Variants in FAM120C observed in about 807,000 individuals in gnomAD.
The protein encoded by FAM120C is family with sequence similarity 120 member C.
FAM120C carries 14 observed loss-of-function variants against 71.2 expected under a neutral mutation model. The ratio of observed to expected loss-of-function variants is 0.20; its 90% CI spans 0.13 to 0.31. FAM120C has a LOEUF of 0.31. Among genes scored for constraint, FAM120C ranks in the 10% least tolerant of loss-of-function variants. The pLI is 1.00. For missense variants in FAM120C, 500 were observed against 879.0 expected, an observed-to-expected ratio of 0.57 and a Z score of 5.45; for synonymous variants, 354 against 353.2, an observed-to-expected ratio of 1.00 and a Z score of -0.03.
At chrX:54,131,435 ATT>A (rs782721502) in intron 9 of FAM120C, among the ~76,000 whole-genome samples, 53 of 95,918 alleles carry the variant, frequency 5.5e-4, no homozygotes, top group African/African-American at 1.9e-3. Flanking sequence ...TGCCCAGCTA[ATT>A]TTTTTTTTTT....
At chrX:54,163,791 AG>A (rs1236565781) in intron 1 of FAM120C, among the ~76,000 whole-genome samples, 23 of 110,521 alleles carry the variant, frequency 2.1e-4, no homozygotes, top group African/African-American at 7.5e-4. Context: ...AAATATACAA[AG>A]GTAATGAGAC....
intron 10 of FAM120C, among the ~76,000 whole-genome samples, chrX:54,098,172 GC>G (rs782151406): frequency 4.7e-4 from 51 of 107,448 alleles, no homozygotes; most frequent in African/African-American, 1.7e-3. Context: ...GTCCCAAGTA[GC>G]TGAGATTACA....
chrX:54,181,326 T>G (rs1263701854), intron 1 of FAM120C, among the ~76,000 whole-genome samples: 2 of 111,133 alleles, frequency 1.8e-5, no homozygotes, highest in Admixed American at 1.9e-4. Flanking sequence ...GGAAATAGGT[T>G]TGCGGTTTCT....
intron 1 of FAM120C, among the ~76,000 whole-genome samples, chrX:54,169,858 T>C (rs1266024031): frequency 2.7e-5 from 3 of 111,862 alleles, no homozygotes; most frequent in Non-Finnish European, 5.6e-5. Flanking sequence ...CATTGTGGAG[T>C]TCACCAACCA....
At chrX:54,107,397 A>G (rs2066912577) in intron 10 of FAM120C, among the ~76,000 whole-genome samples, 1 of 110,353 alleles carries the variant, frequency 9.1e-6, no homozygotes, top group African/African-American at 3.3e-5. Context: ...GCACCAGCCT[A>G]CTATATATTT....
chrX:54,128,135 T>C (rs1557128350), intron 9 of FAM120C, among the ~76,000 whole-genome samples: 1 of 111,250 alleles, frequency 9.0e-6, no homozygotes, highest in Non-Finnish European at 1.9e-5. Context: ...ATTCATGCAA[T>C]TCTTGTGCCT....
intron 15 of FAM120C, among the ~76,000 whole-genome samples, chrX:54,075,696 G>A (rs781814857): frequency 5.8e-4 from 63 of 108,974 alleles, no homozygotes; most frequent in African/African-American, 2.0e-3. Flanking sequence ...CTACTCAGGA[G>A]GCTGAGGCAG....
At position 54,136,597 on chromosome X, in the gene FAM120C, G is replaced by A. The variant is rs1432146669; in HGVS notation, c.1159-7C>T. On this transcript the variant is annotated splice_polypyrimidine_tract_variant and splice_region_variant and intron_variant, in intron 4 of 15. Transcript: ENST00000375180. Reference sequence around the variant, plus strand: ...TTTTATCTTCTGTCCTGGACTGGATGTTGGAACATCAGATTTTCAGAAGAA... The same window carrying A: ...TTTTATCTTCTGTCCTGGACTGGATATTGGAACATCAGATTTTCAGAAGAA... 2.7e-6 allele frequency: 3 copies of A among 1,130,559 alleles called. No individual in the cohort carries two copies. Among genetic ancestry groups the A allele is most frequent in the Middle Eastern group, 2.5e-4 (1 of 4,013 alleles). The allele number at this position is 1,130,559 out of a possible 1,213,427, so 93.2% of individuals were successfully genotyped here. A position where few individuals can be genotyped will look rare whatever the true frequency, so the allele number is the denominator to read the frequency against.
intron 1 of FAM120C, among the ~76,000 whole-genome samples, chrX:54,180,238 T>G (rs1177704584): frequency 4.5e-5 from 5 of 112,279 alleles, no homozygotes; most frequent in Admixed American, 2.8e-4. Context: ...AGCTCATAAC[T>G]GGCTATTCGG....
At chrX:54,164,264 T>C (rs909084678) in intron 1 of FAM120C, among the ~76,000 whole-genome samples, 3 of 112,114 alleles carry the variant, frequency 2.7e-5, no homozygotes, top group African/African-American at 9.7e-5. Flanking sequence ...TTTGTTGTGA[T>C]TGAAAACCAC....
chrX:54,181,386 C>CTTTA (rs782416897), intron 1 of FAM120C, among the ~76,000 whole-genome samples: 15 of 111,049 alleles, frequency 1.4e-4, no homozygotes, highest in Non-Finnish European at 2.5e-4. Flanking sequence ...TGCCCACCTC[C>CTTTA]TTTACTTCCC....
intron 15 of FAM120C, among the ~76,000 whole-genome samples, chrX:54,077,976 C>T (rs2066744055): frequency 1.2e-5 from 1 of 86,910 alleles, no homozygotes; most frequent in Non-Finnish European, 2.2e-5. Flanking sequence ...CGGAGTCTCG[C>T]TCTGTCGCCC....
intron 9 of FAM120C, among the ~76,000 whole-genome samples, chrX:54,130,921 T>A (rs782199673): frequency 9.0e-6 from 1 of 111,414 alleles, no homozygotes; most frequent in East Asian, 2.8e-4. Flanking sequence ...ACACCCAGTC[T>A]GGGATACGTG....
chrX:54,125,492 G>T (rs1410499936), intron 9 of FAM120C, among the ~76,000 whole-genome samples: 1 of 111,592 alleles, frequency 9.0e-6, no homozygotes, highest in Non-Finnish European at 1.9e-5. Flanking sequence ...TTTTAGCAGA[G>T]ATGGGGTCTC....
At chrX:54,117,635 T>C (rs781855868) in intron 9 of FAM120C, among the ~76,000 whole-genome samples, 2 of 107,073 alleles carry the variant, frequency 1.9e-5, no homozygotes, top group East Asian at 5.9e-4. Flanking sequence ...GAGGCGGAGA[T>C]TGCAGTGAGC....
In FAM120C at chrX:54,078,012, C is replaced by T. The variant is rs781793099; in HGVS notation, c.3036+2220G>A. On this transcript the variant is annotated intron_variant, in intron 15 of 15. Transcript: ENST00000375180. ...AGGCTGGAGTGCAGTGGCGCGATCT[C>T]GGCTCACTGCAAGCTCCGCCTCCCG... Among the ~76,000 whole-genome samples, 126 of 92,474 alleles carry T rather than the reference C, an allele frequency of 1.4e-3. 2 individuals are homozygous for T. Among genetic ancestry groups the T allele is most frequent in the African/African-American group, 4.7e-3 (119 of 25,284 alleles). 80.3% of individuals were successfully genotyped at this position (92,474 alleles called of 115,157 possible). A position where few individuals can be genotyped will look rare whatever the true frequency, so the allele number is the denominator to read the frequency against.
At chrX:54,133,652 G>T in intron 8 of FAM120C, 121 bp downstream of exon 8, 1 of 805,443 alleles carries the variant, frequency 1.2e-6, no homozygotes, top group Non-Finnish European at 1.7e-6. Context: ...CCCACCACAT[G>T]TGGCCTTCTT....
chrX:54,113,920 AAAAAG>A (rs1446309246), intron 10 of FAM120C, among the ~76,000 whole-genome samples: 1 of 110,945 alleles, frequency 9.0e-6, no homozygotes, highest in African/African-American at 3.3e-5. Flanking sequence ...CCATCTCAAA[AAAAAG>A]AAAAGAAAAA....
chrX:54,087,685 T>C (rs902138820), intron 12 of FAM120C, 70 bp downstream of exon 12: 18 of 1,034,444 alleles, frequency 1.7e-5, no homozygotes, highest in African/African-American at 1.1e-4. Context: ...TCTCTGCTCC[T>C]TTCCCCTCCC....
Sources: allele counts gnomAD v4.1 joint callset (sites outside exome capture counted in the v4.1 genomes callset), GRCh38; gene constraint gnomAD v4.1.1; transcripts MANE v1.5; gene names NCBI Gene and HGNC (gene_info 2026-07-23, HGNC 2026-07-21).